Variants in FBXO4 observed in about 807,000 individuals in gnomAD.
The protein encoded by FBXO4 is F-box protein 4.
FBXO4 carries 36 observed loss-of-function variants against 43.7 expected under a neutral mutation model. The observed-to-expected ratio is 0.82, with a 90% CI of 0.63 to 1.09. The LOEUF is 1.09. Among genes scored for constraint, FBXO4 ranks in the 50% least tolerant of loss-of-function variants. FBXO4 has a pLI of 0.00. For missense variants in FBXO4, 435 were observed against 474.1 expected, an observed-to-expected ratio of 0.92 and a Z score of 0.77; for synonymous variants, 180 against 165.6, an observed-to-expected ratio of 1.09 and a Z score of -0.67.
At chr5:41,926,986 C>T (rs1055425628) in intron 1 of FBXO4, 27 bp from the exon 2 acceptor site, 24 of 1,426,750 alleles carry the variant, frequency 1.7e-5, no homozygotes, top group African/African-American at 4.3e-5. Flanking sequence ...ATTCCTTTTT[C>T]CTACCTGCTG....
At chr5:42,004,889 A>T in the FBXO4 span, among the ~76,000 whole-genome samples, 1 of 152,144 alleles carries the variant, frequency 6.6e-6, no homozygotes, top group African/African-American at 2.4e-5. Context: ...GGACACTAAA[A>T]CCATGTTTTT....
chr5:41,927,126 C>CT lies in FBXO4; in HGVS notation c.308dup (p.Leu103PhefsTer12). 12 of 1,613,680 alleles carry CT rather than the reference C, an allele frequency of 7.4e-6. No individual in the cohort carries two copies. Among genetic ancestry groups the CT allele is most frequent in the Non-Finnish European group, 1.0e-5 (12 of 1,179,792 alleles). ...TAAGAGATCCAATTCTGTGGAGATA[C>CT]TTTTTGTTGAGGGATCTTCCTTCTT... On this transcript the variant is annotated frameshift_variant, in exon 2 of 7. Coordinates refer to ENST00000281623, the MANE Select transcript of FBXO4 (RefSeq NM_012176.3). LOFTEE classifies it high-confidence loss of function.
the FBXO4 span, chr5:41,968,359 C>T: frequency 6.5e-6 from 1 of 153,578 alleles, no homozygotes; most frequent in Non-Finnish European, 1.5e-5. Flanking sequence ...AGGGAAGTCG[C>T]AGCCATAGCC....
At chr5:41,948,376 C>T in the FBXO4 span, among the ~76,000 whole-genome samples, 1 of 152,184 alleles carries the variant, frequency 6.6e-6, no homozygotes, top group Admixed American at 6.5e-5. Context: ...ACCTCGTGAT[C>T]TGCCCATCTC....
chr5:41,929,236 T>C (rs552304193), intron 2 of FBXO4, among the ~76,000 whole-genome samples: 9 of 152,348 alleles, frequency 5.9e-5, no homozygotes, highest in African/African-American at 2.2e-4. Flanking sequence ...GCCTGCCCTA[T>C]GCATTGTAGG....
At chr5:42,015,372 A>G in the FBXO4 span, among the ~76,000 whole-genome samples, 67 of 152,326 alleles carry the variant, frequency 4.4e-4, no homozygotes, top group African/African-American at 1.5e-3. Context: ...ATGGAAGTTA[A>G]TTCAGGGAGG....
the FBXO4 span, among the ~76,000 whole-genome samples, chr5:42,034,951 G>A: frequency 6.6e-6 from 1 of 151,976 alleles, no homozygotes; most frequent in East Asian, 1.9e-4. Context: ...AAATTACTTT[G>A]GGCAGAATGG....
the FBXO4 span, among the ~76,000 whole-genome samples, chr5:41,953,706 G>GTATC: frequency 6.6e-6 from 1 of 151,616 alleles, no homozygotes; most frequent in Non-Finnish European, 1.5e-5. Context: ...GTGTGAGCTG[G>GTATC]TATCTCATTG....
At chr5:41,998,146 G>T in the FBXO4 span, among the ~76,000 whole-genome samples, 11 of 152,272 alleles carry the variant, frequency 7.2e-5, no homozygotes, top group African/African-American at 2.6e-4. Context: ...TGTCCATTAT[G>T]ATAGCTATGT....
chr5:41,939,390 C>A, intron 5 of FBXO4, 51 bp from the exon 6 acceptor site: 2 of 1,448,260 alleles, frequency 1.4e-6, no homozygotes, highest in South Asian at 1.4e-5. Context: ...TTATTATTTT[C>A]AAAACTATTA....
At chr5:42,026,173 T>C in the FBXO4 span, among the ~76,000 whole-genome samples, 1 of 151,904 alleles carries the variant, frequency 6.6e-6, no homozygotes, top group African/African-American at 2.4e-5. Flanking sequence ...TCCATAATCA[T>C]GGAATATTTT....
chr5:41,933,899 T>G, intron 3 of FBXO4, 47 bp from the exon 4 acceptor site: 2 of 1,495,794 alleles, frequency 1.3e-6, no homozygotes, highest in Non-Finnish European at 1.8e-6. Flanking sequence ...GATCTTTTGC[T>G]ATTTTTATTA....
At chr5:41,966,257 T>C in the FBXO4 span, among the ~76,000 whole-genome samples, 15 of 152,188 alleles carry the variant, frequency 9.9e-5, 1 homozygote, top group South Asian at 3.1e-3. Context: ...GTAACTAACC[T>C]GCACGTTGTG....
In FBXO4 at chr5:41,929,844, C is replaced by T; in HGVS notation, c.573C>T (p.Thr191=). The T allele has an allele frequency of 6.2e-7, 1 of 1,614,110 alleles. No individual in the cohort carries two copies. Residue 191 remains threonine (T), a synonymous_variant, in exon 3 of 7, where the codon ACC becomes ACT. Coordinates refer to ENST00000281623, the MANE Select transcript of FBXO4 (RefSeq NM_012176.3). The part of the protein sequence containing the change: ...MFGPGLEELN[T]SLVLSLMSSE... Reference sequence around the variant, plus strand: ...GACCAGGTTTGGAAGAATTGAATACCTCTTTGGTGTTGAGCTTGATGTCTT... The same window carrying T: ...GACCAGGTTTGGAAGAATTGAATACTTCTTTGGTGTTGAGCTTGATGTCTT...
the FBXO4 span, among the ~76,000 whole-genome samples, chr5:42,032,725 C>G: frequency 2.0e-5 from 3 of 152,166 alleles, no homozygotes; most frequent in Non-Finnish European, 4.4e-5. Context: ...GCTCTACCCC[C>G]CCGTGGCTGT....
the FBXO4 span, among the ~76,000 whole-genome samples, chr5:41,948,862 A>G: frequency 6.6e-6 from 1 of 152,138 alleles, no homozygotes; most frequent in African/African-American, 2.4e-5. Context: ...AAGCTTATCC[A>G]CAACTATCAG....
chr5:41,937,718 C>T (rs1751884902), intron 5 of FBXO4, among the ~76,000 whole-genome samples: 1 of 152,228 alleles, frequency 6.6e-6, no homozygotes, highest in Non-Finnish European at 1.5e-5. Context: ...AAGGCACCAG[C>T]ATCTGGTGTC....
intron 6 of FBXO4, among the ~76,000 whole-genome samples, chr5:41,940,886 A>G (rs147455631): frequency 6.6e-6 from 1 of 152,302 alleles, no homozygotes; most frequent in East Asian, 1.9e-4. Context: ...TTTAGTTTTC[A>G]AAGTGGATCC....
chr5:41,942,072 A>G (rs1249744791), downstream of FBXO4, among the ~76,000 whole-genome samples: 5 of 152,156 alleles, frequency 3.3e-5, no homozygotes, highest in Admixed American at 3.3e-4. Flanking sequence ...ATCTATATAT[A>G]GTTTATATAA....
Sources: gnomAD v4.1 joint callset for allele counts (sites outside exome capture counted in the v4.1 genomes callset) on GRCh38, gnomAD v4.1.1 for gene constraint, MANE v1.5 for transcripts, NCBI Gene and HGNC (gene_info 2026-07-23, HGNC 2026-07-21) for gene names.